Variants in NEB observed in about 807,000 individuals in gnomAD.
NEB encodes nebulin, also known as nemaline myopathy type 2.
In NEB, 512 loss-of-function variants were observed where a neutral mutation model predicts 952.2. That is an observed-to-expected ratio of 0.54 (90% CI 0.50 to 0.58). The LOEUF (loss-of-function observed/expected upper bound fraction) is 0.58, where lower values mean the gene tolerates loss of function less well. Among genes scored for constraint, NEB ranks in the 20% least tolerant of loss-of-function variants. The probability of loss-of-function intolerance (pLI) is 0.00; values close to 1 mark genes in which losing one functional copy is unlikely to be tolerated. For synonymous variants in NEB, 2,900 were observed against 3,149.8 expected (o/e 0.92, Z 2.66); for missense variants, 8,428 against 9,231.1 (o/e 0.91, Z 3.56).
chr2:151,732,399 A>T (rs899421146), intron 3 of NEB, among the ~76,000 whole-genome samples: 1 of 152,238 alleles, frequency 6.6e-6, no homozygotes, highest in Non-Finnish European at 1.5e-5. Context: ...ACAGCTTTGT[A>T]AAATGTGTTA....
chr2:151,624,356 T>C, intron 71 of NEB, among the ~76,000 whole-genome samples: 1 of 152,150 alleles, frequency 6.6e-6, no homozygotes, highest in East Asian at 1.9e-4. Flanking sequence ...TCAGTTCCCC[T>C]AATGTAAACA....
chr2:151,520,576 G>A (rs2081226892), intron 153 of NEB, among the ~76,000 whole-genome samples: 1 of 152,134 alleles, frequency 6.6e-6, no homozygotes, highest in Admixed American at 6.5e-5. Flanking sequence ...TATCTAAAGA[G>A]GATGATAGCC....
chr2:151,726,107 T>C lies in NEB; in HGVS notation c.295-547A>G, dbSNP rs531770073. 5.9e-5 allele frequency among the ~76,000 whole-genome samples: 9 copies of C among 152,344 alleles called. No individual in the cohort carries two copies. The South Asian group carries it at 1.9e-3, about 32-fold the overall frequency. On this transcript the variant is annotated intron_variant, in intron 5 of 181. Transcript: ENST00000397345. ...TAATGATAATGTGCATAATTTATCA[T>C]TATAAATGTTTTGGGAGTACTCTTA...
chr2:151,652,790 C>T (rs1045595265), intron 52 of NEB, among the ~76,000 whole-genome samples: 1 of 151,934 alleles, frequency 6.6e-6, no homozygotes, highest in African/African-American at 2.4e-5. Flanking sequence ...TCAAAAGGTT[C>T]GAATTAATGG....
In NEB at chr2:151,642,623, T is replaced by A. The variant is rs775489653; in HGVS notation, c.8324A>T (p.Asp2775Val). 7.4e-6 allele frequency: 12 copies of A among 1,613,956 alleles called. No individual in the cohort carries two copies. Among genetic ancestry groups the A allele is most frequent in the Non-Finnish European group, 1.0e-5 (12 of 1,179,844 alleles). ...CTTGGCTGCCTTGATAGGAATGGCA[T>A]CTACCCGCATGTCATAACCTTTCCT... is the stretch of plus-strand genomic sequence containing the variant. ...AKRKGYDMRV[D>V]AIPIKAAKAS... Residue 2775 changes from aspartate to valine, a missense_variant, in exon 60 of 182, where the codon GAT becomes GTT. Around this residue, in one of 11 missense-constraint regions of NEB, gnomAD observed 1,772 missense variants for 1,960.3 expected, o/e 0.90. Transcript: ENST00000397345.
chr2:151,495,146 A>G (rs1439518407), intron 173 of NEB: 2 of 152,230 alleles, frequency 1.3e-5, no homozygotes, highest in Non-Finnish European at 2.9e-5. Flanking sequence ...TGGCTCTTAT[A>G]TCACTATCAT....
chr2:151,505,651 A>C, intron 164 of NEB, 81 bp from the exon 165 acceptor site: 1 of 1,198,136 alleles, frequency 8.3e-7, no homozygotes. Flanking sequence ...TGTTTTTTGT[A>C]GCCCCCAAAT....
At chr2:151,701,737 C>T (rs1322160472) in intron 13 of NEB, among the ~76,000 whole-genome samples, 4 of 150,722 alleles carry the variant, frequency 2.7e-5, no homozygotes, top group Admixed American at 1.3e-4. Flanking sequence ...TTTATTGTGT[C>T]TATTTGATTC....
rs758046298 is a variant in NEB, at chr2:151,662,329, CCTTGTA to C, written c.5770_5775del (p.Tyr1924_Lys1925del). ...CCCTTCATGAAGTCAGCATAGTCAG[CCTTGTA>C]CTGATTCTGCAAAAGAGGAAAAATT... On this transcript the variant is annotated inframe_deletion, in exon 46 of 182. Coordinates refer to ENST00000397345, the MANE Select transcript of NEB (RefSeq NM_001164508.2). 1 of 1,584,482 alleles carries C rather than the reference CCTTGTA, an allele frequency of 6.3e-7. No individual in the cohort carries two copies. Among genetic ancestry groups the C allele is most frequent in the Non-Finnish European group, 8.6e-7 (1 of 1,164,266 alleles).
In NEB at chr2:151,489,969, A is replaced by ATCCAT. The variant is rs1357452519; in HGVS notation, c.25404+1_25404+2insATGGA. On this transcript the variant is annotated splice_donor_variant, in intron 181 of 181. Coordinates refer to ENST00000397345, the MANE Select transcript of NEB (RefSeq NM_001164508.2). LOFTEE classifies it high-confidence loss of function. The stretch of plus-strand genomic sequence containing the variant: ...TATTTAAGTGAGTTGTTATTCACTT[A>ATCCAT]CTCCAGCAGTAGATGGATGAGATGG... The ATCCAT allele has an allele frequency of 3.8e-6, 6 of 1,566,488 alleles. No homozygotes were observed. The highest frequency in any genetic ancestry group is 5.3e-6 in the Non-Finnish European group (6 of 1,136,840).
Position 151,627,148 on chromosome 2 carries a change from A to T in NEB, c.10201T>A (p.Ser3401Thr), listed in dbSNP as rs199847072. The T allele has an allele frequency of 8.1e-4, 1,307 of 1,613,890 alleles. No homozygotes were observed. The highest frequency in any genetic ancestry group is 1.0e-3 in the Non-Finnish European group (1,180 of 1,179,858). The change falls in exon 70 of 182, where the codon TCT becomes ACT. Residue 3401 changes from serine to threonine, a missense_variant. Ser to Thr is a moderately conservative substitution (Grantham distance 58, BLOSUM62 1). Transcript: ENST00000397345. ...CTCTTGCACTTGACCACATCCATAG[A>T]CCCAATGGGGACCCAGCCAATGCCT... The part of the protein sequence containing the change: ...LRGIGWVPIG[S>T]MDVVKCKRAA...
chr2:151,534,376 A>C (rs898216350), intron 142 of NEB: 4 of 1,483,788 alleles, frequency 2.7e-6, no homozygotes, highest in African/African-American at 1.4e-5. Context: ...CTACACAAAA[A>C]TGTCTCAAGG....
chr2:151,717,381 T>C lies in NEB; in HGVS notation c.822+35A>G, dbSNP rs759266448. 4 of 1,339,712 alleles carry C rather than the reference T, an allele frequency of 3.0e-6. No homozygotes were observed. In the Admixed American group the frequency reaches 6.2e-5, roughly 21 times the overall value. 83.0% of individuals were successfully genotyped at this position (1,339,712 alleles called of 1,614,324 possible). A position where few individuals can be genotyped will look rare whatever the true frequency, so the allele number is the denominator to read the frequency against. Reference sequence around the variant, plus strand: ...TGGTTGAAATTATTAAGCAGAGTCTTCAAGGGAGGCAATGTCCCAGCTCTA... The same window carrying C: ...TGGTTGAAATTATTAAGCAGAGTCTCCAAGGGAGGCAATGTCCCAGCTCTA... On this transcript the variant is annotated intron_variant, in intron 10 of 181. Coordinates refer to ENST00000397345, the MANE Select transcript of NEB (RefSeq NM_001164508.2).
At chr2:151,540,308 C>T in intron 138 of NEB, 36 bp downstream of exon 138, 1 of 1,290,802 alleles carries the variant, frequency 7.7e-7, no homozygotes, top group Non-Finnish European at 1.1e-6. Flanking sequence ...TCAGCTCTCC[C>T]CATCACAACA....
Position 151,548,352 on chromosome 2 carries a change from C to T in NEB, c.20113G>A (p.Val6705Ile), listed in dbSNP as rs774095156. The change falls in exon 131 of 182, where the codon GTT becomes ATT. Residue 6705 changes from valine to isoleucine, a missense_variant. Physicochemically the swap from Val to Ile is conservative, Grantham distance 29. Transcript: ENST00000397345. ...AYGYTLGPKD[V>I]PFVHVRRVNN... The stretch of plus-strand genomic sequence containing the variant: ...ACTCTCCGGACGTGGACAAATGGAA[C>T]ATCTTTGGGGCCAAGTGTATACCCA... 5.0e-6 allele frequency: 8 copies of T among 1,613,768 alleles called. No individual in the cohort carries two copies. Among genetic ancestry groups the T allele is most frequent in the South Asian group, 2.2e-5 (2 of 91,068 alleles).
chr2:151,519,615 C>A, intron 154 of NEB, 43 bp downstream of exon 154: 1 of 1,412,584 alleles, frequency 7.1e-7, no homozygotes, highest in Non-Finnish European at 1.0e-6. Flanking sequence ...GTTAAAATGG[C>A]AAATACCATG....
intron 63 of NEB, among the ~76,000 whole-genome samples, chr2:151,638,694 A>G (rs928111234): frequency 2.6e-5 from 4 of 151,600 alleles, no homozygotes; most frequent in Non-Finnish European, 5.9e-5. Context: ...TGGAGGCTTG[A>G]CTCTCTGCCT....
intron 151 of NEB, 69 bp from the exon 152 acceptor site, chr2:151,524,685 G>GTTTGTA: frequency 1.2e-6 from 1 of 811,368 alleles, no homozygotes. Flanking sequence ...TTTTTTTTTT[G>GTTTGTA]AGATGGAATC....
Position 151,669,036 on chromosome 2 carries a change from G to A in NEB, c.4602C>T (p.Asn1534=), listed in dbSNP as rs1342464766. 1 of 1,588,464 alleles carries A rather than the reference G, an allele frequency of 6.3e-7. No individual in the cohort carries two copies. The highest frequency in any genetic ancestry group is 8.6e-7 in the Non-Finnish European group (1 of 1,164,526). The change falls in exon 39 of 182, where the codon AAC becomes AAT. Residue 1534 remains asparagine, a synonymous_variant. Transcript: ENST00000397345. ...QFIQAKVNAL[N]MSDAHYKADW... Reference sequence around the variant, plus strand: ...TGGGCCAAATACTCACATCACTCATGTTGAGGGCGTTGACTTTGGCTTGAA... The same window carrying A: ...TGGGCCAAATACTCACATCACTCATATTGAGGGCGTTGACTTTGGCTTGAA...
Sources: gnomAD v4.1 joint callset for allele counts (sites outside exome capture counted in the v4.1 genomes callset) on GRCh38, gnomAD v4.1.1 for gene constraint, gnomAD v4.1.1 regional missense constraint, MANE v1.5 for transcripts, NCBI Gene and HGNC (gene_info 2026-07-23, HGNC 2026-07-21) for gene names.